CPE: variants seen among roughly 807,000 people sequenced by gnomAD.
CPE encodes carboxypeptidase E.
A neutral mutation model predicts 53.5 loss-of-function variants in CPE; 17 were observed. The observed-to-expected ratio is 0.32, with a 90% CI of 0.22 to 0.48. The LOEUF (loss-of-function observed/expected upper bound fraction) is 0.48, where lower values mean the gene tolerates loss of function less well. Ranked by LOEUF, CPE falls within the 20% of genes least tolerant of loss-of-function variation. CPE has a pLI of 0.99. For missense variants in CPE, 524 were observed against 614.7 expected (o/e 0.85, Z 1.56); for synonymous variants, 226 against 228.8 (o/e 0.99, Z 0.11).
At chr4:165,412,234 A>C (rs1249675904) in intron 1 of CPE, among the ~76,000 whole-genome samples, 1 of 152,264 alleles carries the variant, frequency 6.6e-6, no homozygotes, top group Non-Finnish European at 1.5e-5. Context: ...TATGTTTATA[A>C]GAACAGATAT....
intron 1 of CPE, among the ~76,000 whole-genome samples, chr4:165,440,714 A>G (rs1029015804): frequency 6.6e-6 from 1 of 151,460 alleles, no homozygotes; most frequent in African/African-American, 2.4e-5. Context: ...AGAAAATACC[A>G]CCTCTGCCCC....
At chr4:165,413,354 A>G (rs775920894) in intron 1 of CPE, among the ~76,000 whole-genome samples, 58 of 152,308 alleles carry the variant, frequency 3.8e-4, no homozygotes, top group Non-Finnish European at 7.3e-4. Flanking sequence ...AATCTTGTTC[A>G]CACAGTTCTC....
chr4:165,388,242 A>G (rs1243554379), intron 1 of CPE, among the ~76,000 whole-genome samples: 2 of 152,166 alleles, frequency 1.3e-5, no homozygotes, highest in Non-Finnish European at 2.9e-5. Context: ...CTTCAATATA[A>G]AGATCAGATT....
chr4:165,433,511 C>G (rs1405240681), intron 1 of CPE, among the ~76,000 whole-genome samples: 2 of 152,146 alleles, frequency 1.3e-5, no homozygotes, highest in African/African-American at 4.8e-5. Flanking sequence ...CCAATTCATT[C>G]TCCGCACCAG....
chr4:165,438,175 C>A (rs1437679614), intron 1 of CPE, among the ~76,000 whole-genome samples: 1 of 151,994 alleles, frequency 6.6e-6, no homozygotes, highest in Non-Finnish European at 1.5e-5. Flanking sequence ...GGTGGGAGGA[C>A]AGACAGTTTA....
intron 1 of CPE, chr4:165,405,769 A>G (rs770145613): frequency 2.0e-4 from 179 of 906,082 alleles, no homozygotes; most frequent in Non-Finnish European, 2.8e-4. Flanking sequence ...AGTCAGCATC[A>G]TGTCAAAAGC....
intron 3 of CPE, among the ~76,000 whole-genome samples, chr4:165,469,447 C>A (rs1732165689): frequency 6.6e-6 from 1 of 152,086 alleles, no homozygotes; most frequent in Admixed American, 6.6e-5. Flanking sequence ...GCTTCGATAC[C>A]CTATAGACTC....
At chr4:165,443,574 G>A (rs757849641) in intron 1 of CPE, among the ~76,000 whole-genome samples, 2 of 152,082 alleles carry the variant, frequency 1.3e-5, no homozygotes, top group South Asian at 4.1e-4. Flanking sequence ...ATCCTCACAT[G>A]GCCCTTTCTG....
At chr4:165,399,917 G>C (rs1002611877) in intron 1 of CPE, among the ~76,000 whole-genome samples, 4 of 152,032 alleles carry the variant, frequency 2.6e-5, no homozygotes, top group African/African-American at 4.8e-5. Flanking sequence ...TATAATCCCA[G>C]CCTCTCTAAG....
chr4:165,400,532 G>A (rs779699095), intron 1 of CPE, among the ~76,000 whole-genome samples: 2 of 152,154 alleles, frequency 1.3e-5, no homozygotes, highest in South Asian at 2.1e-4. Flanking sequence ...TACAGTAAAG[G>A]TCACTCACTC....
Position 165,416,120 on chromosome 4 carries a change from G to T in CPE, c.307+36592G>T, listed in dbSNP as rs548659200. 3.3e-5 allele frequency among the ~76,000 whole-genome samples: 5 copies of T among 152,236 alleles called. No individual in the cohort carries two copies. The East Asian group carries it at 9.6e-4, about 29-fold the overall frequency. On this transcript the variant is annotated intron_variant, in intron 1 of 8. Transcript: ENST00000402744. ...AGCTCAGCTACTTCCCTACTCCTGC[G>T]CCAACTCAACCGTAACAGTAGCTGA...
chr4:165,423,380 T>C (rs1731260160), intron 1 of CPE, among the ~76,000 whole-genome samples: 1 of 152,096 alleles, frequency 6.6e-6, no homozygotes, highest in South Asian at 2.1e-4. Flanking sequence ...TGATCTCATT[T>C]ATTTTTTAAA....
intron 1 of CPE, among the ~76,000 whole-genome samples, chr4:165,426,215 G>C (rs1731315900): frequency 6.6e-6 from 1 of 152,136 alleles, no homozygotes; most frequent in Non-Finnish European, 1.5e-5. Context: ...TATGAAGCAA[G>C]CTTTATTTCT....
Position 165,436,572 on chromosome 4 carries a change from C to A in CPE, c.308-27818C>A, listed in dbSNP as rs189646920. Among the ~76,000 whole-genome samples, 225 of 152,278 alleles carry A rather than the reference C, an allele frequency of 1.5e-3. 2 individuals are homozygous for A. The highest frequency in any genetic ancestry group is 5.2e-3 in the African/African-American group (217 of 41,564). ...CCAATAAAACTTTATTTACAAAAAACAGGTGGCCAGCCCATACACTGCAGT... is the reference window on the plus strand; with the variant it reads ...CCAATAAAACTTTATTTACAAAAAAAAGGTGGCCAGCCCATACACTGCAGT... On this transcript the variant is annotated intron_variant, in intron 1 of 8. Coordinates refer to ENST00000402744, the MANE Select transcript of CPE (RefSeq NM_001873.4).
intron 4 of CPE, among the ~76,000 whole-genome samples, chr4:165,483,432 A>G (rs1297751166): frequency 6.6e-6 from 1 of 152,216 alleles, no homozygotes; most frequent in African/African-American, 2.4e-5. Flanking sequence ...GCTTTTGTGA[A>G]TAGTGCTGCC....
At chr4:165,449,198 C>G (rs1438025065) in intron 1 of CPE, among the ~76,000 whole-genome samples, 1 of 152,200 alleles carries the variant, frequency 6.6e-6, no homozygotes, top group East Asian at 1.9e-4. Flanking sequence ...AGATAGTTTA[C>G]TTTTGGCATG....
intron 3 of CPE, among the ~76,000 whole-genome samples, chr4:165,480,042 A>G (rs1389501362): frequency 6.6e-6 from 1 of 152,020 alleles, no homozygotes; most frequent in Non-Finnish European, 1.5e-5. Context: ...TAGTTAAACC[A>G]TATAAATATG....
intron 1 of CPE, chr4:165,405,515 T>C (rs1730938858): frequency 1.1e-6 from 1 of 949,738 alleles, no homozygotes; most frequent in East Asian, 2.4e-5. Flanking sequence ...TTCTTCCACT[T>C]TTTTGTAAAT....
chr4:165,415,085 A>G (rs1731100703), intron 1 of CPE: 1 of 166,138 alleles, frequency 6.0e-6, no homozygotes, highest in African/African-American at 2.4e-5. Context: ...CTGACAAATC[A>G]TAAATAGATA....
Sources: gnomAD v4.1 joint callset for allele counts (sites outside exome capture counted in the v4.1 genomes callset) on GRCh38, gnomAD v4.1.1 for gene constraint, MANE v1.5 for transcripts, NCBI Gene and HGNC (gene_info 2026-07-23, HGNC 2026-07-21) for gene names.